MTMR4: variants seen among roughly 807,000 people sequenced by gnomAD.
MTMR4 encodes myotubularin related protein 4.
A neutral mutation model predicts 125.5 loss-of-function variants in MTMR4; 30 were observed. The observed-to-expected ratio is 0.24, with a 90% CI of 0.18 to 0.32. The LOEUF (loss-of-function observed/expected upper bound fraction) is 0.32, where lower values mean the gene tolerates loss of function less well. MTMR4 is among the 10% of genes least tolerant of loss of function. The probability of loss-of-function intolerance (pLI) is 1.00; values close to 1 mark genes in which losing one functional copy is unlikely to be tolerated. For missense variants in MTMR4, 1,039 were observed against 1,511.5 expected (o/e 0.69, Z 5.18); for synonymous variants, 498 against 564.5 (o/e 0.88, Z 1.67).
At position 58,504,250 on chromosome 17, in the gene MTMR4, G is replaced by A. The variant is rs1567932847; in HGVS notation, c.1528-30C>T. Reference sequence around the variant, plus strand: ...AAAGCAGAGAGAGCTTGCACCTGGGGGCCTCGGGCTGTCATTCCCCCCATC... The same window carrying A: ...AAAGCAGAGAGAGCTTGCACCTGGGAGCCTCGGGCTGTCATTCCCCCCATC... On this transcript the variant is annotated intron_variant, in intron 12 of 17. Coordinates refer to ENST00000682306, the MANE Select transcript of MTMR4 (RefSeq NM_001378067.1). This position sits in a 1 kb window ranked among gnomAD's most constrained non-coding sequence, Gnocchi z 7.1. 1.2e-6 allele frequency: 2 copies of A among 1,603,402 alleles called. No homozygotes were observed. Among genetic ancestry groups the A allele is most frequent in the Non-Finnish European group, 1.7e-6 (2 of 1,171,418 alleles).
At chr17:58,500,276 G>A (rs1477061368) in intron 14 of MTMR4, among the ~76,000 whole-genome samples, 1 of 152,136 alleles carries the variant, frequency 6.6e-6, no homozygotes, top group Admixed American at 6.5e-5. Flanking sequence ...ACAGGCGCAC[G>A]CCACCATGCC....
upstream of MTMR4, among the ~76,000 whole-genome samples, chr17:58,518,638 C>T (rs2143958596): frequency 2.0e-5 from 3 of 152,326 alleles, no homozygotes; most frequent in Admixed American, 2.0e-4. Context: ...CTGAGACTGC[C>T]AGCTAGCTGC....
At chr17:58,501,790 G>A in intron 14 of MTMR4, among the ~76,000 whole-genome samples, 1 of 151,420 alleles carries the variant, frequency 6.6e-6, no homozygotes, top group East Asian at 2.0e-4. Context: ...CCAGGCGCAG[G>A]AGCTCACACC....
rs1297074953 is a variant in MTMR4, at chr17:58,507,153, CATT to C, written c.871_873del (p.Asn291del). On this transcript the variant is annotated inframe_deletion, in exon 8 of 18. Coordinates refer to ENST00000682306, the MANE Select transcript of MTMR4 (RefSeq NM_001378067.1). Reference sequence around the variant, plus strand: ...TCAGCATCACACGCCTCGCTGGTATCATTATTCCCGGTGCTGAGGGAGCCCCCA... The same window carrying C: ...TCAGCATCACACGCCTCGCTGGTATCATTCCCGGTGCTGAGGGAGCCCCCA... The C allele has an allele frequency of 6.2e-7, 1 of 1,614,154 alleles. No homozygotes were observed.
intron 14 of MTMR4, among the ~76,000 whole-genome samples, chr17:58,496,841 A>C (rs1975480723): frequency 6.6e-6 from 1 of 152,214 alleles, no homozygotes; most frequent in Non-Finnish European, 1.5e-5. Context: ...CCCTTTATAC[A>C]ATGATGATAA....
At chr17:58,501,755 T>C (rs548205992) in intron 14 of MTMR4, among the ~76,000 whole-genome samples, 1 of 151,644 alleles carries the variant, frequency 6.6e-6, no homozygotes, top group East Asian at 1.9e-4. Flanking sequence ...AATGCAAAAA[T>C]ATGCATACAA....
Position 58,506,771 on chromosome 17 carries a change from C to T in MTMR4, c.1005G>A (p.Arg335=). The change falls in exon 9 of 18, where the codon CGG becomes CGA. Residue 335 remains arginine (R), a synonymous_variant. Transcript: ENST00000682306. ...ARSYTAAVAN[R]AKGGGCECEE... The stretch of plus-strand genomic sequence containing the variant: ...CACATTCACAGCCTCCACCCTTGGC[C>T]CGGTTGGCCACTGCTGCCGTGTAGG... The T allele has an allele frequency of 1.9e-6, 3 of 1,614,066 alleles. No homozygotes were observed. Among genetic ancestry groups the T allele is most frequent in the Non-Finnish European group, 1.7e-6 (2 of 1,180,026 alleles).
rs547885038 is a variant in MTMR4, at chr17:58,512,717, C to T, written c.135+135G>A. The T allele has an allele frequency of 2.4e-6, 2 of 845,720 alleles. No individual in the cohort carries two copies. The highest frequency in any genetic ancestry group is 1.7e-5 in the African/African-American group (1 of 58,986). The allele number at this position is 845,720 out of a possible 1,614,324, so 52.4% of individuals were successfully genotyped here. A position where few individuals can be genotyped will look rare whatever the true frequency, so the allele number is the denominator to read the frequency against. On this transcript the variant is annotated intron_variant, in intron 2 of 17. Transcript: ENST00000682306. This position sits in a 1 kb window ranked among gnomAD's most constrained non-coding sequence, Gnocchi z 4.1. ...AGGCTCCAGGATGCGCAGACAAACC[C>T]TCCTCCTCCAGAGACCAGGGAACAT...
In MTMR4 at chr17:58,495,615, T is replaced by G; in HGVS notation, c.2569A>C (p.Ser857Arg). ...LNQDPSGSVA[S>R]ISHQEQLSSV... is the part of the protein sequence containing the mutation. The stretch of plus-strand genomic sequence containing the variant: ...CTCAGTTGTTCCTGGTGGGAGATAC[T>G]TGCCACAGACCCTGAGGGATCTTGG... Residue 857 changes from serine to arginine, a missense_variant, in exon 15 of 18, where the codon AGT becomes CGT. Coordinates refer to ENST00000682306, the MANE Select transcript of MTMR4 (RefSeq NM_001378067.1). 1 of 1,614,178 alleles carries G rather than the reference T, an allele frequency of 6.2e-7. No individual in the cohort carries two copies. The highest frequency in any genetic ancestry group is 8.5e-7 in the Non-Finnish European group (1 of 1,180,030).
chr17:58,502,504 C>T (rs1160250820), intron 14 of MTMR4, among the ~76,000 whole-genome samples: 7 of 129,466 alleles, frequency 5.4e-5, no homozygotes, highest in Admixed American at 4.2e-4. Context: ...GGATGTAAAG[C>T]ACTCCCTGTA....
At position 58,507,292 on chromosome 17, in the gene MTMR4, G is replaced by A; in HGVS notation, c.735C>T (p.Ala245=). Residue 245 remains alanine, a synonymous_variant, in exon 8 of 18, where the codon GCC becomes GCT. Coordinates refer to ENST00000682306, the MANE Select transcript of MTMR4 (RefSeq NM_001378067.1). ...AGCTGATCTCTGGCTGGCTGCAGCG[G>A]GCGATGGCAGCCCCATTGCGCAAGT... The part of the protein sequence containing the change: ...YRHLRNGAAI[A]RCSQPEISWW... 1 of 1,613,732 alleles carries A rather than the reference G, an allele frequency of 6.2e-7. No homozygotes were observed. Among genetic ancestry groups the A allele is most frequent in the Non-Finnish European group, 8.5e-7 (1 of 1,179,992 alleles).
Position 58,495,918 on chromosome 17 carries a change from C to T in MTMR4, c.2266G>A (p.Gly756Ser), listed in dbSNP as rs62082147. 1.2e-6 allele frequency: 2 copies of T among 1,614,158 alleles called. No individual in the cohort carries two copies. Among genetic ancestry groups the T allele is most frequent in the Non-Finnish European group, 1.7e-6 (2 of 1,180,030 alleles). ...APDPSAQDELGRTLDGIGEPP... is the reference protein window; with the variant it reads ...APDPSAQDELSRTLDGIGEPP... ...TCCCCTATGCCATCTAAAGTCCTAC[C>T]CAGCTCATCCTGGGCAGAAGGGTCT... Residue 756 changes from glycine to serine, a missense_variant, in exon 15 of 18, where the codon GGT becomes AGT. Gly to Ser is a moderately conservative substitution (Grantham distance 56). Coordinates refer to ENST00000682306, the MANE Select transcript of MTMR4 (RefSeq NM_001378067.1).
chr17:58,495,685 A>C lies in MTMR4; in HGVS notation c.2499T>G (p.Ser833Arg), dbSNP rs201128367. Reference protein sequence around the residue: ...HSLSTVCNPPSAACQTPLDPS... With the variant: ...HSLSTVCNPPRAACQTPLDPS... ...GGTCTAGAGGAGTTTGGCAGGCAGCACTCGGTGGGTTGCAAACGGTGCTGA... is the reference window on the plus strand; with the variant it reads ...GGTCTAGAGGAGTTTGGCAGGCAGCCCTCGGTGGGTTGCAAACGGTGCTGA... Residue 833 changes from serine to arginine, a missense_variant, in exon 15 of 18, where the codon AGT (serine) becomes AGG (arginine). Ser to Arg is a moderately radical substitution (Grantham distance 110). Around this residue, in one of 6 missense-constraint regions of MTMR4, gnomAD observed 619 missense variants for 714.5 expected, o/e 0.87. Coordinates refer to ENST00000682306, the MANE Select transcript of MTMR4 (RefSeq NM_001378067.1). 2.7e-5 allele frequency: 43 copies of C among 1,613,154 alleles called. No homozygotes were observed. Among genetic ancestry groups the C allele is most frequent in the Non-Finnish European group, 4.2e-6 (5 of 1,179,762 alleles).
Position 58,495,010 on chromosome 17 carries a change from A to G in MTMR4, c.3174T>C (p.Arg1058=), listed in dbSNP as rs1975416918. The G allele has an allele frequency of 1.2e-6, 2 of 1,613,846 alleles. No individual in the cohort carries two copies. Among genetic ancestry groups the G allele is most frequent in the East Asian group, 4.5e-5 (2 of 44,874 alleles). The part of the protein sequence containing the change: ...QEVEQLRRQV[R]ELQMRLDIRH... ...GGATGTCCAGCCTCATCTGAAGCTC[A>G]CGCACCTGTCGACGTAGCTGCTCCA... The change falls in exon 15 of 18, where the codon CGT becomes CGC. Residue 1058 remains arginine (R), a synonymous_variant. Coordinates refer to ENST00000682306, the MANE Select transcript of MTMR4 (RefSeq NM_001378067.1).
At chr17:58,516,090 C>T (rs1183458567), upstream of MTMR4, among the ~76,000 whole-genome samples, 2 of 152,254 alleles carry the variant, frequency 1.3e-5, no homozygotes, top group Non-Finnish European at 2.9e-5. Context: ...GATATTCAAT[C>T]AGCTGTCACC....
rs1026954066 is a variant in MTMR4 at position 58,495,519 on chromosome 17, A to G, written c.2665T>C (p.Leu889=). ...ATTTTCCCAAAGCGAGGATTTTCCA[A>G]TAACTGCCCATTCCTATTATTTCCT... ...KRGNNRNGQL[L]ENPRFGKMPL... The change falls in exon 15 of 18, where the codon TTG becomes CTG. Residue 889 remains leucine, a synonymous_variant. Transcript: ENST00000682306. 42 of 1,614,088 alleles carry G rather than the reference A, an allele frequency of 2.6e-5. No individual in the cohort carries two copies. Among genetic ancestry groups the G allele is most frequent in the East Asian group, 4.5e-5 (2 of 44,894 alleles).
At chr17:58,501,040 C>T (rs1975610845) in intron 14 of MTMR4, among the ~76,000 whole-genome samples, 1 of 151,874 alleles carries the variant, frequency 6.6e-6, no homozygotes, top group Non-Finnish European at 1.5e-5. Flanking sequence ...AACCTGTAGC[C>T]AAATTCTGCA....
chr17:58,497,932 A>G (rs1339448293), intron 14 of MTMR4, among the ~76,000 whole-genome samples: 2 of 152,224 alleles, frequency 1.3e-5, no homozygotes, highest in African/African-American at 4.8e-5. Flanking sequence ...AGCATACAAA[A>G]GAAGTAAAGA....
intron 17 of MTMR4, 27 bp downstream of exon 17, chr17:58,492,484 C>A: frequency 7.0e-7 from 1 of 1,434,812 alleles, no homozygotes; most frequent in Non-Finnish European, 9.6e-7. Flanking sequence ...TGTTTTTTGT[C>A]ATACTAAATC....
Sources: gnomAD v4.1 joint callset for allele counts (sites outside exome capture counted in the v4.1 genomes callset) on GRCh38, gnomAD v4.1.1 for gene constraint, gnomAD v4.1.1 regional missense constraint, Gnocchi (gnomAD v3.1) non-coding constraint, MANE v1.5 for transcripts, NCBI Gene and HGNC (gene_info 2026-07-23, HGNC 2026-07-21) for gene names.